Variants in BRMS1L observed in about 807,000 individuals in gnomAD.
The protein encoded by BRMS1L is breast cancer metastasis-suppressor 1-like protein.
A neutral mutation model predicts 50.3 loss-of-function variants in BRMS1L; 23 were observed. The observed-to-expected ratio is 0.46, with a 90% confidence interval of 0.33 to 0.65. The LOEUF is 0.65. Among genes scored for constraint, BRMS1L ranks in the 30% least tolerant of loss-of-function variants. The probability of loss-of-function intolerance (pLI) is 0.02; values close to 1 mark genes in which losing one functional copy is unlikely to be tolerated. For synonymous variants in BRMS1L, 114 were observed against 126.9 expected (o/e 0.90, Z 0.69); for missense variants, 286 against 386.1 (o/e 0.74, Z 2.17).
chr14:35,865,601 A>G (rs2078409624), intron 7 of BRMS1L, 121 bp from the exon 8 acceptor site: 2 of 756,232 alleles, frequency 2.6e-6, no homozygotes, highest in Admixed American at 3.1e-5. Context: ...TAATGGTTAT[A>G]CTTTACTGTC....
At chr14:35,828,882 A>G (rs941771686) in intron 1 of BRMS1L, among the ~76,000 whole-genome samples, 1 of 152,154 alleles carries the variant, frequency 6.6e-6, no homozygotes, top group Non-Finnish European at 1.5e-5. Flanking sequence ...CCTTGCCATG[A>G]AAGTAGGTGA....
rs1016944829 is a variant in BRMS1L at position 35,830,240 on chromosome 14, T to C, written c.143-1170T>C. On this transcript the variant is annotated intron_variant, in intron 1 of 9. Coordinates refer to ENST00000216807, the MANE Select transcript of BRMS1L (RefSeq NM_032352.4). ...ATGTGCCACCACGCCCAGCTAATTT[T>C]GTATTTTTAGTAGAGATGGGTTTTC... 3.3e-5 allele frequency among the ~76,000 whole-genome samples: 5 copies of C among 152,252 alleles called. No individual in the cohort carries two copies. The East Asian group carries it at 9.7e-4, about 29-fold the overall frequency.
rs1057160592 is a variant in BRMS1L, at chr14:35,864,023, C to G, written c.622+70C>G. 93 of 1,163,600 alleles carry G rather than the reference C, an allele frequency of 8.0e-5. No homozygotes were observed. The African/African-American group carries it at 1.2e-3, about 15-fold the overall frequency. The allele number at this position is 1,163,600 out of a possible 1,614,324, so 72.1% of individuals were successfully genotyped here. A position where few individuals can be genotyped will look rare whatever the true frequency, so the allele number is the denominator to read the frequency against. On this transcript the variant is annotated intron_variant, in intron 6 of 9. Coordinates refer to ENST00000216807, the MANE Select transcript of BRMS1L (RefSeq NM_032352.4). ...TTTTCCATTGTGCATGCCTTTATAA[C>G]TTTTATTTGTAAACACTGACTTTAT...
rs184500319 is a variant in BRMS1L, at chr14:35,838,938, C to T, written c.441+4015C>T. Among the ~76,000 whole-genome samples the T allele has an allele frequency of 2.1e-3, 314 of 152,290 alleles. 2 individuals are homozygous for T. Among genetic ancestry groups the T allele is most frequent in the African/African-American group, 7.3e-3 (302 of 41,558 alleles). On this transcript the variant is annotated intron_variant, in intron 4 of 9. Transcript: ENST00000216807. The stretch of plus-strand genomic sequence containing the variant: ...GCTTTTGGTGTTTTCATCATGAAGT[C>T]TTTGCCCATGCCTATGTCCTGAATG...
Position 35,860,722 on chromosome 14 carries a change from G to A in BRMS1L, c.442-1868G>A, listed in dbSNP as rs374560057. On this transcript the variant is annotated intron_variant, in intron 4 of 9. Transcript: ENST00000216807. ...GTCAGGGAACTGCCAAAGAGGAGTT[G>A]GTTCTGAATACAGGTCAGTGTGAGG... Among the ~76,000 whole-genome samples, 4 of 152,190 alleles carry A rather than the reference G, an allele frequency of 2.6e-5. No individual in the cohort carries two copies. In the East Asian group the frequency reaches 7.7e-4, roughly 29 times the overall value.
At chr14:35,847,388 A>G (rs919849687) in intron 4 of BRMS1L, among the ~76,000 whole-genome samples, 3 of 152,032 alleles carry the variant, frequency 2.0e-5, no homozygotes, top group African/African-American at 4.8e-5. Context: ...TGAAGCCACA[A>G]ACTCGAGCTC....
intron 4 of BRMS1L, among the ~76,000 whole-genome samples, chr14:35,851,823 A>C (rs2078215409): frequency 6.6e-6 from 1 of 152,184 alleles, no homozygotes; most frequent in Non-Finnish European, 1.5e-5. Flanking sequence ...AGAAAACGAA[A>C]GCAGTAGCTC....
At chr14:35,852,776 A>G (rs148740586) in intron 4 of BRMS1L, among the ~76,000 whole-genome samples, 2,062 of 151,966 alleles carry the variant, frequency 0.014, 40 homozygotes, top group African/African-American at 0.045. Flanking sequence ...CTAAAAATAC[A>G]AAAAATCAGC....
rs1356422866 is a variant in BRMS1L, at chr14:35,870,777, TTG to T, written c.*302_*303del. Reference sequence around the variant, plus strand: ...TGGTTTTAAAAAAAGTTATGCAAATTTGTCTTATCTTTAGTAAACTATGACTA... The same window carrying T: ...TGGTTTTAAAAAAAGTTATGCAAATTTCTTATCTTTAGTAAACTATGACTA... On this transcript the variant is annotated 3_prime_UTR_variant, in exon 10 of 10. Transcript: ENST00000216807. 1 of 163,230 alleles carries T rather than the reference TTG, an allele frequency of 6.1e-6. No homozygotes were observed. The highest frequency in any genetic ancestry group is 2.4e-5 in the African/African-American group (1 of 41,792). 10.1% of individuals were successfully genotyped at this position (163,230 alleles called of 1,614,324 possible).
At chr14:35,843,821 G>A (rs200900448) in intron 4 of BRMS1L, among the ~76,000 whole-genome samples, 1 of 152,250 alleles carries the variant, frequency 6.6e-6, no homozygotes, top group African/African-American at 2.4e-5. Flanking sequence ...GTCCTAGGGA[G>A]ATGGGAGTTT....
Position 35,871,154 on chromosome 14 carries a change from A to T in BRMS1L, c.*677A>T, listed in dbSNP as rs1414298756. On this transcript the variant is annotated 3_prime_UTR_variant, in exon 10 of 10. Coordinates refer to ENST00000216807, the MANE Select transcript of BRMS1L (RefSeq NM_032352.4). The stretch of plus-strand genomic sequence containing the variant: ...TATACCTAATGAGTAAAATTAGTGT[A>T]AAGTGATAACATGCTTCTACCTGTA... 1 of 152,652 alleles carries T rather than the reference A, an allele frequency of 6.6e-6. No individual in the cohort carries two copies. Among genetic ancestry groups the T allele is most frequent in the Non-Finnish European group, 1.5e-5 (1 of 68,040 alleles). 9.5% of individuals were successfully genotyped at this position (152,652 alleles called of 1,614,324 possible).
rs2077843082 is a variant in BRMS1L, at chr14:35,826,438, G to A, written c.-79G>A. On this transcript the variant is annotated 5_prime_UTR_variant, in exon 1 of 10. Coordinates refer to ENST00000216807, the MANE Select transcript of BRMS1L (RefSeq NM_032352.4). Reference sequence around the variant, plus strand: ...CAAGCTCGGTGGCTGGGTGGGTTGGGGCGTTCCGCGCGCCCTTCATTGAAG... The same window carrying A: ...CAAGCTCGGTGGCTGGGTGGGTTGGAGCGTTCCGCGCGCCCTTCATTGAAG... 1.6e-5 allele frequency: 24 copies of A among 1,541,220 alleles called. 1 individual carries two copies. The South Asian group carries it at 2.9e-4, about 18-fold the overall frequency.
At chr14:35,840,133 G>A (rs953966884) in intron 4 of BRMS1L, among the ~76,000 whole-genome samples, 4 of 152,186 alleles carry the variant, frequency 2.6e-5, no homozygotes, top group South Asian at 2.1e-4. Flanking sequence ...ATAATCATGT[G>A]GTTTTTGTCA....
At chr14:35,828,746 G>A (rs1429244435) in intron 1 of BRMS1L, among the ~76,000 whole-genome samples, 1 of 152,024 alleles carries the variant, frequency 6.6e-6, no homozygotes, top group African/African-American at 2.4e-5. Context: ...GTGAGCCACC[G>A]TGCCTGGCCG....
chr14:35,863,395 A>G (rs1010173087), intron 5 of BRMS1L, among the ~76,000 whole-genome samples: 1 of 152,156 alleles, frequency 6.6e-6, no homozygotes, highest in African/African-American at 2.4e-5. Flanking sequence ...ATATTACTTT[A>G]TCTGTTATAA....
rs541979016 is a variant in BRMS1L, at chr14:35,868,710, C to T, written c.854+678C>T. On this transcript the variant is annotated intron_variant, in intron 9 of 9. Coordinates refer to ENST00000216807, the MANE Select transcript of BRMS1L (RefSeq NM_032352.4). ...ATCGCTTGAGCCCAAGAGTTTGAGG[C>T]TGCAGCAAGGTATCATTTCACCACA... is the stretch of plus-strand genomic sequence containing the variant. 6.6e-4 allele frequency among the ~76,000 whole-genome samples: 100 copies of T among 152,196 alleles called. 1 individual carries two copies. The highest frequency in any genetic ancestry group is 2.2e-3 in the African/African-American group (93 of 41,544).
rs745363489 is a variant in BRMS1L at position 35,831,390 on chromosome 14, A to T, written c.143-20A>T. The T allele has an allele frequency of 3.2e-6, 5 of 1,559,288 alleles. No individual in the cohort carries two copies. Among genetic ancestry groups the T allele is most frequent in the Non-Finnish European group, 1.8e-6 (2 of 1,132,108 alleles). ...TTTGAAAATTAAGTTTATCTTTTAT[A>T]TTTGCCTTTTTATTAACAGAAATGG... On this transcript the variant is annotated intron_variant, in intron 1 of 9. Transcript: ENST00000216807.
intron 4 of BRMS1L, among the ~76,000 whole-genome samples, chr14:35,840,298 C>T (rs918196927): frequency 5.9e-5 from 9 of 152,078 alleles, no homozygotes; most frequent in Non-Finnish European, 1.3e-4. Context: ...ATTTTCATAT[C>T]GATGTTTATC....
intron 4 of BRMS1L, among the ~76,000 whole-genome samples, chr14:35,850,561 T>C (rs2078198259): frequency 1.3e-5 from 2 of 152,346 alleles, no homozygotes; most frequent in Non-Finnish European, 1.5e-5. Flanking sequence ...GTTTTGGTAG[T>C]CTCACTTGTC....
Sources: gnomAD v4.1 joint callset for allele counts (sites outside exome capture counted in the v4.1 genomes callset) on GRCh38, gnomAD v4.1.1 for gene constraint, MANE v1.5 for transcripts, NCBI Gene and HGNC (gene_info 2026-07-23, HGNC 2026-07-21) for gene names.